LRTM3: variants seen among roughly 807,000 people sequenced by gnomAD.
LRTM3 encodes leucine rich repeat transmembrane protein 3.
chr13:102,757,462 T>C, the LRTM3 span, among the ~76,000 whole-genome samples: 1 of 152,234 alleles, frequency 6.6e-6, no homozygotes, highest in Non-Finnish European at 1.5e-5. Flanking sequence ...GGTCTTAACA[T>C]GGTATAGAAA....
chr13:102,746,754 A>G, the LRTM3 span: 2 of 1,551,160 alleles, frequency 1.3e-6, no homozygotes, highest in South Asian at 2.4e-5. Context: ...GCAAAACAGT[A>G]ACCCATTTCT....
At chr13:102,744,876 A>T in the LRTM3 span, 2 of 1,549,958 alleles carry the variant, frequency 1.3e-6, no homozygotes, top group East Asian at 4.9e-5. Context: ...TCTTTATTAA[A>T]CTCTGCCTTT....
At chr13:102,746,031 T>C in the LRTM3 span, 3 of 1,551,076 alleles carry the variant, frequency 1.9e-6, no homozygotes, top group African/African-American at 1.4e-5. Context: ...GGTGGAATCT[T>C]AGGACCTCCA....
chr13:102,730,865 A>G, the LRTM3 span: 2 of 1,551,434 alleles, frequency 1.3e-6, no homozygotes, highest in Non-Finnish European at 1.7e-6. Context: ...TATTTGATGG[A>G]GAGATTTCTC....
the LRTM3 span, chr13:102,735,541 AC>A: frequency 1.3e-6 from 2 of 1,550,848 alleles, no homozygotes; most frequent in Non-Finnish European, 1.7e-6. Context: ...TTTGTTCTTT[AC>A]TTTTCCACTG....
chr13:102,738,678 G>A, the LRTM3 span: 1 of 1,550,360 alleles, frequency 6.5e-7, no homozygotes, highest in Non-Finnish European at 8.7e-7. Flanking sequence ...GATGACTCTT[G>A]GAGATTTGGT....
the LRTM3 span, chr13:102,732,046 C>T: frequency 6.4e-7 from 1 of 1,551,360 alleles, no homozygotes; most frequent in Non-Finnish European, 8.7e-7. Flanking sequence ...GAAGTTTCTG[C>T]ATTTGTTGTT....
the LRTM3 span, chr13:102,733,596 G>A: frequency 6.4e-7 from 1 of 1,551,254 alleles, no homozygotes. Flanking sequence ...TCCATTGTGG[G>A]ATAGGAAAGA....
the LRTM3 span, chr13:102,745,389 T>A: frequency 2.6e-6 from 4 of 1,550,568 alleles, no homozygotes; most frequent in African/African-American, 4.1e-5. Flanking sequence ...TCTACCTTGC[T>A]ATACTTGTTA....
At chr13:102,748,228 G>GTTGC in the LRTM3 span, 1 of 1,551,154 alleles carries the variant, frequency 6.4e-7, no homozygotes, top group Non-Finnish European at 8.7e-7. Flanking sequence ...TACTTCCAGT[G>GTTGC]TTGCATTCCA....
the LRTM3 span, chr13:102,735,483 T>C: frequency 6.4e-7 from 1 of 1,551,370 alleles, no homozygotes; most frequent in Non-Finnish European, 8.7e-7. Context: ...GTATTAATGC[T>C]TGGCAGTCCT....
the LRTM3 span, chr13:102,740,718 G>A: frequency 6.5e-7 from 1 of 1,548,240 alleles, no homozygotes; most frequent in Non-Finnish European, 8.7e-7. Context: ...TGAGATGCAG[G>A]CTTTGGAAGA....
At chr13:102,736,743 C>G in the LRTM3 span, 20 of 1,550,596 alleles carry the variant, frequency 1.3e-5, no homozygotes, top group Non-Finnish European at 1.7e-5. Flanking sequence ...GCCTTTACAG[C>G]TATGTACTCG....
At chr13:102,744,985 C>G in the LRTM3 span, 1 of 1,550,734 alleles carries the variant, frequency 6.4e-7, no homozygotes, top group Non-Finnish European at 8.7e-7. Context: ...TTACTGAGTC[C>G]TCTGATTTTA....
the LRTM3 span, chr13:102,745,306 T>C: frequency 1.3e-6 from 2 of 1,550,738 alleles, no homozygotes; most frequent in Admixed American, 2.0e-5. Context: ...TAATACTATC[T>C]TCATGTGGAG....
chr13:102,741,451 A>T, the LRTM3 span: 5 of 1,549,994 alleles, frequency 3.2e-6, no homozygotes, highest in East Asian at 1.2e-4. Context: ...TCTGTCCTTT[A>T]GAACCTACAA....
At chr13:102,748,853 C>T in the LRTM3 span, 1 of 1,550,252 alleles carries the variant, frequency 6.5e-7, no homozygotes, top group Non-Finnish European at 8.7e-7. Flanking sequence ...GTTTTTTAGT[C>T]TTTTGTTTTC....
At chr13:102,755,996 G>C in the LRTM3 span, among the ~76,000 whole-genome samples, 4 of 141,636 alleles carry the variant, frequency 2.8e-5, no homozygotes, top group African/African-American at 1.1e-4. Flanking sequence ...GAGTCGCTTC[G>C]TCTCCCAGGC....
At chr13:102,758,680 G>A in the LRTM3 span, 1 of 1,520,390 alleles carries the variant, frequency 6.6e-7, no homozygotes, top group Admixed American at 2.1e-5. Flanking sequence ...AGGAAAAGGG[G>A]AAATCAACCA....
Sources: allele counts gnomAD v4.1 joint callset (sites outside exome capture counted in the v4.1 genomes callset), GRCh38; gene constraint gnomAD v4.1.1; transcripts MANE v1.5; gene names NCBI Gene and HGNC (gene_info 2026-07-23, HGNC 2026-07-21).